The following CPQ variants were observed in gnomAD, a reference collection of about 807,000 sequenced individuals.
CPQ encodes the protein Ser-Met dipeptidase.
Under a neutral mutation model 45.7 loss-of-function variants are expected in CPQ, and 37 were observed. The ratio of observed to expected loss-of-function variants is 0.81; its 90% CI spans 0.62 to 1.07. The LOEUF (loss-of-function observed/expected upper bound fraction) is 1.07. Among genes scored for constraint, CPQ ranks in the 50% least tolerant of loss-of-function variants. CPQ has a pLI of 0.00. For synonymous variants in CPQ, 186 were observed against 205.8 expected (o/e 0.90, Z 0.82); for missense variants, 537 against 572.9 (o/e 0.94, Z 0.64).
At chr8:96,875,509 A>G (rs1378322436) in intron 3 of CPQ, among the ~76,000 whole-genome samples, 2 of 151,906 alleles carry the variant, frequency 1.3e-5, no homozygotes, top group Non-Finnish European at 2.9e-5. Flanking sequence ...ATTCTTTTGC[A>G]TGTGGATATC....
chr8:96,878,886 T>C (rs557467719), intron 3 of CPQ, among the ~76,000 whole-genome samples: 2 of 152,344 alleles, frequency 1.3e-5, no homozygotes, highest in South Asian at 4.1e-4. Flanking sequence ...AGCCTATGCT[T>C]TAACAGAAGA....
At chr8:96,675,207 A>T (rs1024971861) in intron 1 of CPQ, among the ~76,000 whole-genome samples, 1 of 152,002 alleles carries the variant, frequency 6.6e-6, no homozygotes, top group Non-Finnish European at 1.5e-5. Flanking sequence ...CTAAGCCACC[A>T]CTGGGTTACC....
chr8:96,737,355 G>GAGAGATATATATATATATAT (rs1554561433), intron 1 of CPQ, among the ~76,000 whole-genome samples: 1 of 117,998 alleles, frequency 8.5e-6, no homozygotes, highest in Non-Finnish European at 1.7e-5. Context: ...ACTAATAGGA[G>GAGAGATATATATATATATAT]ATATATATAT....
intron 1 of CPQ, among the ~76,000 whole-genome samples, chr8:96,744,339 G>A (rs115795984): frequency 0.02 from 2,991 of 152,238 alleles, 106 homozygotes; most frequent in African/African-American, 0.067. Flanking sequence ...TTCTGCTCTC[G>A]CACAGTGCGC....
chr8:96,660,037 A>C (rs2130711200), intron 1 of CPQ, among the ~76,000 whole-genome samples: 1 of 152,298 alleles, frequency 6.6e-6, no homozygotes, highest in South Asian at 2.1e-4. Context: ...AAGGTTCTTA[A>C]AGATCTGTAA....
intron 5 of CPQ, among the ~76,000 whole-genome samples, chr8:97,020,388 C>T (rs1466453675): frequency 6.6e-6 from 1 of 151,714 alleles, no homozygotes; most frequent in African/African-American, 2.4e-5. Flanking sequence ...CAGAGCATAA[C>T]TAAATGAAAT....
intron 6 of CPQ, among the ~76,000 whole-genome samples, chr8:97,056,762 A>G (rs548937175): frequency 6.6e-6 from 1 of 152,304 alleles, no homozygotes; most frequent in East Asian, 1.9e-4. Context: ...TGTTCATTTG[A>G]CAAGTATTTT....
intron 2 of CPQ, among the ~76,000 whole-genome samples, chr8:96,794,266 C>T (rs1810894754): frequency 6.6e-6 from 1 of 152,194 alleles, no homozygotes; most frequent in African/African-American, 2.4e-5. Flanking sequence ...TCCCAAACCC[C>T]AATTCTTGAC....
At chr8:96,675,101 T>C (rs1809058868) in intron 1 of CPQ, among the ~76,000 whole-genome samples, 1 of 152,046 alleles carries the variant, frequency 6.6e-6, no homozygotes, top group Non-Finnish European at 1.5e-5. Context: ...TTAAAAAGGC[T>C]TTACAAATTT....
intron 1 of CPQ, among the ~76,000 whole-genome samples, chr8:96,766,219 A>T (rs747949103): frequency 3.3e-5 from 5 of 152,088 alleles, no homozygotes; most frequent in Admixed American, 2.6e-4. Flanking sequence ...AAAGATCAAT[A>T]TTGGTTTTCA....
At chr8:96,789,307 T>A (rs537662850) in intron 2 of CPQ, among the ~76,000 whole-genome samples, 2 of 152,336 alleles carry the variant, frequency 1.3e-5, no homozygotes, top group Non-Finnish European at 2.9e-5. Flanking sequence ...TCTTCCTCCC[T>A]TTCCCCCATC....
chr8:97,036,670 GA>G (rs1231536207), intron 6 of CPQ, among the ~76,000 whole-genome samples: 4 of 152,102 alleles, frequency 2.6e-5, no homozygotes, highest in Non-Finnish European at 5.9e-5. Context: ...GGACAAAGGA[GA>G]AAAAACATAC....
intron 1 of CPQ, among the ~76,000 whole-genome samples, chr8:96,726,450 T>TGCTAATATC (rs1809840349): frequency 6.6e-6 from 1 of 152,080 alleles, no homozygotes; most frequent in South Asian, 2.1e-4. Flanking sequence ...GGAGGCATGA[T>TGCTAATATC]GCTAATATCT....
At chr8:96,717,479 GC>G (rs1809697209) in intron 1 of CPQ, among the ~76,000 whole-genome samples, 1 of 152,070 alleles carries the variant, frequency 6.6e-6, no homozygotes, top group East Asian at 1.9e-4. Context: ...ATAGTCTGAA[GC>G]TGGGTAATTT....
At chr8:97,016,541 A>G (rs1809583313) in intron 5 of CPQ, among the ~76,000 whole-genome samples, 1 of 152,204 alleles carries the variant, frequency 6.6e-6, no homozygotes, top group African/African-American at 2.4e-5. Context: ...ATTATGAAAA[A>G]GGGAAATGAG....
Position 96,820,429 on chromosome 8 carries a change from A to C in CPQ, c.434-14544A>C, listed in dbSNP as rs186763206. ...TTTTTTAAGTGTGTAGTTCAGTGGT[A>C]ATAAATGCATTTATATTCTATTTGT... On this transcript the variant is annotated intron_variant, in intron 2 of 7. Coordinates refer to ENST00000220763, the MANE Select transcript of CPQ (RefSeq NM_016134.4). 3.3e-5 allele frequency among the ~76,000 whole-genome samples: 5 copies of C among 152,152 alleles called. No homozygotes were observed. The East Asian group carries it at 9.7e-4, about 29-fold the overall frequency.
chr8:96,912,685 A>G (rs1489999119), intron 4 of CPQ, among the ~76,000 whole-genome samples: 1 of 152,222 alleles, frequency 6.6e-6, no homozygotes, highest in Non-Finnish European at 1.5e-5. Flanking sequence ...AGTTCTTTGA[A>G]GGAAATGGTA....
intron 5 of CPQ, among the ~76,000 whole-genome samples, chr8:96,984,097 A>G (rs1399016176): frequency 2.0e-5 from 3 of 152,000 alleles, no homozygotes; most frequent in African/African-American, 7.2e-5. Flanking sequence ...TTAGAAACTT[A>G]TACATTCCCT....
At chr8:96,716,041 C>G (rs1278402899) in intron 1 of CPQ, among the ~76,000 whole-genome samples, 1 of 152,202 alleles carries the variant, frequency 6.6e-6, no homozygotes, top group Non-Finnish European at 1.5e-5. Context: ...TTGGCTTTCT[C>G]AAATGTTGGC....
Sources: gnomAD v4.1 joint callset for allele counts (sites outside exome capture counted in the v4.1 genomes callset) on GRCh38, gnomAD v4.1.1 for gene constraint, MANE v1.5 for transcripts, NCBI Gene and HGNC (gene_info 2026-07-23, HGNC 2026-07-21) for gene names.